FBXL2: variants seen among roughly 807,000 people sequenced by gnomAD.
FBXL2 encodes F-box and leucine rich repeat protein 2.
A neutral mutation model predicts 69.2 loss-of-function variants in FBXL2; 38 were observed. That is an observed-to-expected ratio of 0.55 (90% CI 0.42 to 0.72). The LOEUF is 0.72. Among genes scored for constraint, FBXL2 ranks in the 30% least tolerant of loss-of-function variants. The pLI is 0.00. For missense variants in FBXL2, 354 were observed against 520.3 expected (o/e 0.68, Z 3.11); for synonymous variants, 192 against 201.3 (o/e 0.95, Z 0.39).
At chr3:33,359,408 G>C (rs933267428) in intron 4 of FBXL2, 51 bp downstream of exon 4, 1 of 1,300,632 alleles carries the variant, frequency 7.7e-7, no homozygotes, top group African/African-American at 1.5e-5. Flanking sequence ...ATGAGTAGCT[G>C]TTCCCCCTTT....
rs1354558232 is a variant in FBXL2 at position 33,373,774 on chromosome 3, T to C, written c.582+70T>C. ...GGGCACATCATCCAGAAAGCTGCTT[T>C]TGCATTTTTCTTGGTGTCCCACTGT... On this transcript the variant is annotated intron_variant, in intron 8 of 14. Coordinates refer to ENST00000484457, the MANE Select transcript of FBXL2 (RefSeq NM_012157.5). The C allele has an allele frequency of 3.1e-6, 5 of 1,613,680 alleles. No homozygotes were observed. In the African/African-American group the frequency reaches 6.7e-5, roughly 22 times the overall value.
the FBXL2 span, chr3:33,412,925 AC>A: frequency 6.7e-6 from 5 of 750,598 alleles, no homozygotes; most frequent in Admixed American, 2.0e-5. Context: ...GCAGTAGAAC[AC>A]ATACAACTAG....
chr3:33,399,711 C>A (rs905682854), intron 12 of FBXL2, among the ~76,000 whole-genome samples: 6 of 152,260 alleles, frequency 3.9e-5, no homozygotes, highest in Admixed American at 3.9e-4. Context: ...AGTGATGGCA[C>A]AATCCTGTCA....
chr3:33,317,517 A>T (rs1180521418), intron 2 of FBXL2: 1 of 456,684 alleles, frequency 2.2e-6, no homozygotes, highest in Admixed American at 2.3e-5. Flanking sequence ...TAAAACTTGT[A>T]AAAAGGAAGA....
At chr3:33,309,245 C>T (rs1009996525) in intron 2 of FBXL2, among the ~76,000 whole-genome samples, 1 of 152,136 alleles carries the variant, frequency 6.6e-6, no homozygotes, top group Non-Finnish European at 1.5e-5. Flanking sequence ...CAGTCTATGG[C>T]TCCCTTCAGA....
At chr3:33,355,266 C>T (rs1437169849) in intron 2 of FBXL2, among the ~76,000 whole-genome samples, 1 of 152,022 alleles carries the variant, frequency 6.6e-6, no homozygotes, top group Non-Finnish European at 1.5e-5. Context: ...GTCAAATAAC[C>T]AGGAAAAACA....
chr3:33,369,377 A>C (rs953891750), intron 5 of FBXL2, among the ~76,000 whole-genome samples: 7 of 151,766 alleles, frequency 4.6e-5, no homozygotes, highest in African/African-American at 1.7e-4. Flanking sequence ...TTATGATTTC[A>C]TTTTATATTC....
At chr3:33,346,388 T>C (rs892803335) in intron 2 of FBXL2, among the ~76,000 whole-genome samples, 2 of 151,050 alleles carry the variant, frequency 1.3e-5, no homozygotes, top group African/African-American at 4.9e-5. Flanking sequence ...CAAGCAAACA[T>C]AGTGAGACCC....
the FBXL2 span, chr3:33,408,737 G>A: frequency 6.2e-7 from 1 of 1,613,862 alleles, no homozygotes. Flanking sequence ...GGCAAAGTCC[G>A]CTTGCTGGAC....
chr3:33,313,112 C>T (rs1406648490), intron 2 of FBXL2, among the ~76,000 whole-genome samples: 2 of 141,742 alleles, frequency 1.4e-5, no homozygotes, highest in Non-Finnish European at 3.0e-5. Context: ...GAGTGAGACT[C>T]CGTCTCCAAG....
chr3:33,419,009 G>A, the FBXL2 span, among the ~76,000 whole-genome samples: 1 of 152,110 alleles, frequency 6.6e-6, no homozygotes, highest in Non-Finnish European at 1.5e-5. Context: ...TTAGAGAAAT[G>A]CAAATTAAAA....
At chr3:33,298,773 G>A (rs1166044494) in intron 2 of FBXL2, among the ~76,000 whole-genome samples, 1 of 150,028 alleles carries the variant, frequency 6.7e-6, no homozygotes, top group Non-Finnish European at 1.5e-5. Flanking sequence ...GGAATTAATA[G>A]GTGTACACAT....
intron 1 of FBXL2, among the ~76,000 whole-genome samples, chr3:33,283,149 G>A (rs1413372868): frequency 1.3e-5 from 2 of 152,138 alleles, no homozygotes; most frequent in East Asian, 1.9e-4. Flanking sequence ...AATGCTTCCA[G>A]TTTTTGCCCA....
the FBXL2 span, among the ~76,000 whole-genome samples, chr3:33,421,852 T>C: frequency 2.0e-5 from 3 of 152,252 alleles, no homozygotes; most frequent in South Asian, 4.2e-4. Context: ...AGTTCGAGCC[T>C]GACCAACATG....
At chr3:33,366,856 C>T (rs527935446) in intron 5 of FBXL2, among the ~76,000 whole-genome samples, 6 of 152,008 alleles carry the variant, frequency 3.9e-5, no homozygotes, top group Admixed American at 1.3e-4. Flanking sequence ...CCCAGCTACT[C>T]GGGAGGCTGA....
chr3:33,304,976 A>G (rs1284027782), intron 2 of FBXL2, among the ~76,000 whole-genome samples: 5 of 151,858 alleles, frequency 3.3e-5, no homozygotes, highest in East Asian at 3.9e-4. Context: ...TTTTTGGCCT[A>G]TTTGGTTATC....
chr3:33,297,564 A>G, intron 1 of FBXL2, 100 bp from the exon 2 acceptor site: 2 of 680,554 alleles, frequency 2.9e-6, no homozygotes, highest in South Asian at 1.8e-5. Flanking sequence ...TTGTAGGACA[A>G]TAATTGGGGC....
the FBXL2 span, chr3:33,412,627 C>T: frequency 7.2e-6 from 6 of 830,340 alleles, no homozygotes; most frequent in African/African-American, 8.6e-5. Context: ...CCAAAACTTT[C>T]CCCACACAAG....
intron 2 of FBXL2, among the ~76,000 whole-genome samples, chr3:33,350,560 G>A (rs1420760008): frequency 6.6e-6 from 1 of 151,946 alleles, no homozygotes; most frequent in Non-Finnish European, 1.5e-5. Context: ...AGCCTCCCCG[G>A]TAGCTGGGAT....
Sources: allele counts gnomAD v4.1 joint callset (sites outside exome capture counted in the v4.1 genomes callset), GRCh38; gene constraint gnomAD v4.1.1; transcripts MANE v1.5; gene names NCBI Gene and HGNC (gene_info 2026-07-23, HGNC 2026-07-21).